METTL8: variants seen among roughly 807,000 people sequenced by gnomAD.
METTL8 encodes the protein tRNA N(3)-cytidine methyltransferase METTL8, mitochondrial.
METTL8 carries 32 observed loss-of-function variants against 48.7 expected under a neutral mutation model. That is an observed-to-expected ratio of 0.66 (90% confidence interval 0.50 to 0.88). The LOEUF (loss-of-function observed/expected upper bound fraction) is 0.88, where lower values mean the gene tolerates loss of function less well. Ranked by LOEUF, METTL8 falls within the 40% of genes least tolerant of loss-of-function variation. The pLI, the probability that METTL8 is intolerant of heterozygous loss-of-function variation, is 0.00. For missense variants in METTL8, 464 were observed against 474.4 expected, an observed-to-expected ratio of 0.98 and a Z score of 0.20; for synonymous variants, 136 against 157.1, an observed-to-expected ratio of 0.87 and a Z score of 1.01.
At chr2:171,331,910 G>A (rs967999410) in intron 5 of METTL8, 43 bp from the exon 6 acceptor site, 2 of 1,451,808 alleles carry the variant, frequency 1.4e-6, no homozygotes, top group African/African-American at 2.8e-5. Flanking sequence ...TTTGGAGACA[G>A]GGTCTTGCGC....
intron 2 of METTL8, among the ~76,000 whole-genome samples, chr2:171,380,098 G>A (rs1025672684): frequency 6.6e-6 from 1 of 152,164 alleles, no homozygotes; most frequent in Non-Finnish European, 1.5e-5. Context: ...TTCAGCATAT[G>A]CAAATCAATA....
Position 171,331,871 on chromosome 2 carries a change from T to G in METTL8, c.657-4A>C. ...CAGAAAGGACTCCGGAGAGTTCCTA[T>G]GAAGATGGAAGAAATATTTATTTAT... On this transcript the variant is annotated splice_polypyrimidine_tract_variant and splice_region_variant and intron_variant, in intron 5 of 9. Coordinates refer to ENST00000375258, the MANE Select transcript of METTL8 (RefSeq NM_001321154.2). The G allele has an allele frequency of 3.2e-6, 5 of 1,585,876 alleles. No individual in the cohort carries two copies. Among genetic ancestry groups the G allele is most frequent in the Non-Finnish European group, 4.3e-6 (5 of 1,163,234 alleles).
chr2:171,372,603 A>G (rs1686477562), intron 2 of METTL8, among the ~76,000 whole-genome samples: 1 of 152,034 alleles, frequency 6.6e-6, no homozygotes, highest in African/African-American at 2.4e-5. Flanking sequence ...CATTTACATT[A>G]GGTACATCTC....
In METTL8 at chr2:171,317,240, T is replaced by C. The variant is rs534485572; in HGVS notation, c.*6932A>G. Among the ~76,000 whole-genome samples, 2 of 152,174 alleles carry C rather than the reference T, an allele frequency of 1.3e-5. No homozygotes were observed. Among genetic ancestry groups the C allele is most frequent in the African/African-American group, 2.4e-5 (1 of 41,426 alleles). ...TTTTTGAAACAACCAACACTTGATA[T>C]ATAAAGGTTAACTGAGGAAAAAATT... is the stretch of plus-strand genomic sequence containing the variant. On this transcript the variant is annotated 3_prime_UTR_variant, in exon 10 of 10. Coordinates refer to ENST00000375258, the MANE Select transcript of METTL8 (RefSeq NM_001321154.2).
intron 1 of METTL8, among the ~76,000 whole-genome samples, chr2:171,411,016 T>C (rs1170685969): frequency 1.3e-5 from 2 of 152,286 alleles, no homozygotes; most frequent in South Asian, 2.1e-4. Context: ...AAATGGAACA[T>C]ATACAGTGGG....
At chr2:171,344,389 G>A (rs548959585) in intron 3 of METTL8, among the ~76,000 whole-genome samples, 2 of 152,192 alleles carry the variant, frequency 1.3e-5, no homozygotes, top group East Asian at 1.9e-4. Flanking sequence ...ACTGCCTCCC[G>A]AACACAAAGT....
intron 4 of METTL8, among the ~76,000 whole-genome samples, chr2:171,338,095 T>G (rs1686309230): frequency 6.6e-6 from 1 of 152,122 alleles, no homozygotes; most frequent in Non-Finnish European, 1.5e-5. Flanking sequence ...CTAGAAAATC[T>G]AACCTAAAAC....
intron 2 of METTL8, among the ~76,000 whole-genome samples, chr2:171,391,729 GC>G (rs934833019): frequency 6.6e-6 from 1 of 152,100 alleles, no homozygotes; most frequent in Non-Finnish European, 1.5e-5. Flanking sequence ...CAGGAGGAGG[GC>G]CCCACCTAGG....
intron 7 of METTL8, among the ~76,000 whole-genome samples, chr2:171,328,677 A>T (rs1575718078): frequency 6.6e-6 from 1 of 151,904 alleles, no homozygotes; most frequent in East Asian, 1.9e-4. Context: ...CGCCCAGCTA[A>T]TTTTTGTATT....
chr2:171,339,475 A>T lies in METTL8; in HGVS notation c.315T>A (p.Asn105Lys). 1.2e-6 allele frequency: 2 copies of T among 1,613,630 alleles called. No homozygotes were observed. Among genetic ancestry groups the T allele is most frequent in the Non-Finnish European group, 1.7e-6 (2 of 1,179,742 alleles). The change falls in exon 4 of 10, where the codon AAT becomes AAA. Residue 105 changes from asparagine (N) to lysine (K), a missense_variant. Coordinates refer to ENST00000375258, the MANE Select transcript of METTL8 (RefSeq NM_001321154.2). The part of the protein sequence containing the change: ...IHKNKFFKDR[N>K]WLLREFPEIL... ...TTTCAGGAAATTCCCTCAACAGCCA[A>T]TTACGATCCTTGAAAAACTTATTCT...
intron 1 of METTL8, among the ~76,000 whole-genome samples, chr2:171,427,110 G>A (rs997144928): frequency 3.9e-5 from 6 of 152,072 alleles, no homozygotes; most frequent in African/African-American, 7.2e-5. Context: ...AATATTTATC[G>A]TGGTTCTGTT....
chr2:171,408,871 C>T (rs569890762), intron 1 of METTL8, among the ~76,000 whole-genome samples: 2 of 152,118 alleles, frequency 1.3e-5, no homozygotes, highest in Admixed American at 6.5e-5. Flanking sequence ...TGGGAGGTAA[C>T]ACATGTAGCT....
chr2:171,329,189 C>A (rs1473797712), intron 7 of METTL8, among the ~76,000 whole-genome samples: 1 of 151,890 alleles, frequency 6.6e-6, no homozygotes, highest in Non-Finnish European at 1.5e-5. Context: ...CGAGGTTTCA[C>A]CATGTTGACC....
chr2:171,432,243 G>C (rs1030861124), intron 1 of METTL8, among the ~76,000 whole-genome samples: 1 of 152,010 alleles, frequency 6.6e-6, no homozygotes, highest in African/African-American at 2.4e-5. Context: ...AAAAAATCCT[G>C]TGTCACAAGT....
chr2:171,348,706 TG>T (rs976652903), intron 3 of METTL8, among the ~76,000 whole-genome samples: 1 of 152,174 alleles, frequency 6.6e-6, no homozygotes, highest in Non-Finnish European at 1.5e-5. Flanking sequence ...TTTCTTGATA[TG>T]GTTGATGTTT....
chr2:171,407,531 T>C (rs1690314954), intron 1 of METTL8, among the ~76,000 whole-genome samples: 1 of 152,050 alleles, frequency 6.6e-6, no homozygotes, highest in Admixed American at 6.5e-5. Flanking sequence ...AGGCCACAAA[T>C]GCCTATGAAA....
At chr2:171,342,900 C>CA (rs1559075054) in intron 3 of METTL8, among the ~76,000 whole-genome samples, 1 of 151,958 alleles carries the variant, frequency 6.6e-6, no homozygotes, top group Non-Finnish European at 1.5e-5. Flanking sequence ...AGCGGCCAGG[C>CA]GAGGTGGCTC....
chr2:171,394,672 A>G (rs1688890469), intron 1 of METTL8, among the ~76,000 whole-genome samples: 1 of 152,246 alleles, frequency 6.6e-6, no homozygotes, highest in African/African-American at 2.4e-5. Context: ...TTGCATTGCT[A>G]TTTATCTTAT....
intron 7 of METTL8, among the ~76,000 whole-genome samples, chr2:171,329,513 C>A (rs961585700): frequency 6.6e-6 from 1 of 152,178 alleles, no homozygotes; most frequent in African/African-American, 2.4e-5. Flanking sequence ...ACAATGCCTA[C>A]AGTCTAAACA....
Sources: gnomAD v4.1 joint callset for allele counts (sites outside exome capture counted in the v4.1 genomes callset) on GRCh38, gnomAD v4.1.1 for gene constraint, MANE v1.5 for transcripts, NCBI Gene and HGNC (gene_info 2026-07-23, HGNC 2026-07-21) for gene names.